Variants in NANOGNB observed in about 807,000 individuals in gnomAD.
The protein encoded by NANOGNB is homeobox C14.
A neutral mutation model predicts 25.0 loss-of-function variants in NANOGNB; 30 were observed. The observed-to-expected ratio is 1.20, with a 90% CI of 0.90 to 1.63. NANOGNB has a LOEUF of 1.63. Among genes scored for constraint, NANOGNB ranks in the 40% most tolerant of loss-of-function variants. The probability of loss-of-function intolerance (pLI) is 0.00; values close to 1 mark genes in which losing one functional copy is unlikely to be tolerated. For synonymous variants in NANOGNB, 84 were observed against 62.1 expected (o/e 1.35, Z -1.66); for missense variants, 200 against 188.1 (o/e 1.06, Z -0.37).
chr12:7,769,614 C>T (rs1865274200), intron 1 of NANOGNB, among the ~76,000 whole-genome samples: 2 of 151,942 alleles, frequency 1.3e-5, no homozygotes, highest in Middle Eastern at 3.4e-3. Context: ...TGAGCCACCA[C>T]CTCCCGGGTT....
rs1865283628 is a variant in NANOGNB, at chr12:7,770,507, A to G, written c.504A>G (p.Lys168=). 1 of 1,483,212 alleles carries G rather than the reference A, an allele frequency of 6.7e-7. No individual in the cohort carries two copies. Among genetic ancestry groups the G allele is most frequent in the African/African-American group, 1.4e-5 (1 of 71,280 alleles). 91.9% of individuals were successfully genotyped at this position (1,483,212 alleles called of 1,614,324 possible). The change falls in exon 3 of 4, where the codon AAA becomes AAG. Residue 168 remains lysine, a synonymous_variant. Transcript: ENST00000382119. ...NKEMSKRKHK[K]KHMRWRSLCC... Reference sequence around the variant, plus strand: ...AAATGTCCAAGAGAAAGCATAAGAAAAAACATATGAGGTAAGAAAGTGTTT... The same window carrying G: ...AAATGTCCAAGAGAAAGCATAAGAAGAAACATATGAGGTAAGAAAGTGTTT...
chr12:7,765,569 C>CAAAAA (rs1187331161), intron 1 of NANOGNB, among the ~76,000 whole-genome samples, 182 bp downstream of exon 1: 28 of 48,614 alleles, frequency 5.8e-4, no homozygotes, highest in South Asian at 3.8e-3. Flanking sequence ...GACTCCGTCT[C>CAAAAA]AAAAAAAAAA....
At chr12:7,773,125 T>TG (rs1862599893) in intron 3 of NANOGNB, among the ~76,000 whole-genome samples, 1 of 150,600 alleles carries the variant, frequency 6.6e-6, no homozygotes, top group Non-Finnish European at 1.5e-5. Context: ...TGATAGTTTT[T>TG]TTTTTTTTTT....
intron 3 of NANOGNB, among the ~76,000 whole-genome samples, chr12:7,772,568 C>T (rs1862589588): frequency 7.0e-6 from 1 of 142,424 alleles, no homozygotes; most frequent in Non-Finnish European, 1.5e-5. Context: ...TGAGCCACCG[C>T]ACCCGGCCTT....
chr12:7,768,827 C>T (rs569708395), intron 1 of NANOGNB, among the ~76,000 whole-genome samples: 2 of 151,982 alleles, frequency 1.3e-5, no homozygotes, highest in African/African-American at 2.4e-5. Context: ...CCACCGCGCC[C>T]GGCCGGCATA....
intron 1 of NANOGNB, among the ~76,000 whole-genome samples, chr12:7,769,686 C>A (rs938178413): frequency 8.5e-5 from 13 of 152,074 alleles, no homozygotes; most frequent in Non-Finnish European, 1.8e-4. Flanking sequence ...TGCCACCATG[C>A]CCGGCTAATG....
At position 7,770,461 on chromosome 12, in the gene NANOGNB, C is replaced by T. The variant is rs77290736; in HGVS notation, c.458C>T (p.Thr153Met). ...TAGATAAGTCAATGGTTTTGTAAAA[C>T]GAGGAAGAAATATAATAAAGAAATG... ...HKQISQWFCK[T>M]RKKYNKEMSK... The change falls in exon 3 of 4, where the codon ACG (threonine) becomes ATG (methionine). Residue 153 changes from threonine (T) to methionine (M), a missense_variant. Coordinates refer to ENST00000382119, the MANE Select transcript of NANOGNB (RefSeq NM_001145465.1). 237 of 1,533,008 alleles carry T rather than the reference C, an allele frequency of 1.5e-4. No homozygotes were observed. The highest frequency in any genetic ancestry group is 1.1e-3 in the African/African-American group (81 of 72,274). The allele number at this position is 1,533,008 out of a possible 1,614,324, so 95.0% of individuals were successfully genotyped here. A position where few individuals can be genotyped will look rare whatever the true frequency, so the allele number is the denominator to read the frequency against.
intron 1 of NANOGNB, among the ~76,000 whole-genome samples, chr12:7,765,635 C>T (rs868570286): frequency 2.8e-4 from 42 of 147,680 alleles, no homozygotes; most frequent in African/African-American, 9.4e-4. Context: ...AAAAGCAAGA[C>T]TTTCTGACAG....
At chr12:7,771,918 G>T (rs1452635439) in intron 3 of NANOGNB, among the ~76,000 whole-genome samples, 1 of 152,086 alleles carries the variant, frequency 6.6e-6, no homozygotes, top group Non-Finnish European at 1.5e-5. Context: ...TCCACGCCTG[G>T]ACTCACTTGA....
Position 7,770,120 on chromosome 12 carries a change from A to G in NANOGNB, c.240A>G (p.Lys80=). ...AGAGAGAACGAGAAAAAGAAGAAAA[A>G]AACGAAAAGGAGCTGCAAGATGAAC... ...GRKREREKEE[K]NEKELQDEQE... The change falls in exon 2 of 4, where the codon AAA becomes AAG. Residue 80 remains lysine (K), a synonymous_variant. Coordinates refer to ENST00000382119, the MANE Select transcript of NANOGNB (RefSeq NM_001145465.1). The G allele has an allele frequency of 2.6e-6, 4 of 1,545,204 alleles. No individual in the cohort carries two copies. The highest frequency in any genetic ancestry group is 2.6e-6 in the Non-Finnish European group (3 of 1,141,658).
chr12:7,766,674 C>G (rs1202818888), intron 1 of NANOGNB, among the ~76,000 whole-genome samples: 1 of 151,714 alleles, frequency 6.6e-6, no homozygotes, highest in Non-Finnish European at 1.5e-5. Context: ...TCCCGGGGTT[C>G]AAAAGACATG....
chr12:7,770,418 C>T (rs532093204), intron 2 of NANOGNB, 21 bp from the exon 3 acceptor site: 759 of 1,534,084 alleles, frequency 4.9e-4, no homozygotes, highest in Non-Finnish European at 6.4e-4. Context: ...TAATCACCTC[C>T]CACACCTCAT....
chr12:7,771,289 C>T (rs1862562572), intron 3 of NANOGNB, among the ~76,000 whole-genome samples: 1 of 152,098 alleles, frequency 6.6e-6, no homozygotes, highest in South Asian at 2.1e-4. Flanking sequence ...GGCGCGATCT[C>T]GGCTCACTGC....
chr12:7,772,576 C>CTTTT (rs71038747), intron 3 of NANOGNB, among the ~76,000 whole-genome samples: 2 of 107,926 alleles, frequency 1.9e-5, no homozygotes, highest in Admixed American at 1.0e-4. Context: ...CGCACCCGGC[C>CTTTT]TTTTTTTTTT....
intron 1 of NANOGNB, among the ~76,000 whole-genome samples, chr12:7,767,288 G>A (rs1865254115): frequency 6.6e-6 from 1 of 152,020 alleles, no homozygotes; most frequent in South Asian, 2.1e-4. Context: ...CACATACAGA[G>A]AACTCTTTAA....
chr12:7,773,142 G>C (rs951131339), intron 3 of NANOGNB, among the ~76,000 whole-genome samples: 3 of 96,326 alleles, frequency 3.1e-5, no homozygotes, highest in Non-Finnish European at 4.1e-5. Context: ...TTTTTTCAAA[G>C]ATGGGGGTCT....
intron 3 of NANOGNB, among the ~76,000 whole-genome samples, chr12:7,773,123 T>G (rs1443771635): frequency 6.7e-6 from 1 of 150,200 alleles, no homozygotes; most frequent in African/African-American, 2.4e-5. Flanking sequence ...TGTGATAGTT[T>G]TTTTTTTTTT....
At chr12:7,769,505 T>C (rs1474243416) in intron 1 of NANOGNB, among the ~76,000 whole-genome samples, 1 of 152,126 alleles carries the variant, frequency 6.6e-6, no homozygotes, top group African/African-American at 2.4e-5. Context: ...GTATTTTTAG[T>C]AGAGATGGGG....
At chr12:7,770,891 C>T (rs775005742) in intron 3 of NANOGNB, among the ~76,000 whole-genome samples, 8 of 152,136 alleles carry the variant, frequency 5.3e-5, no homozygotes, top group African/African-American at 9.7e-5. Flanking sequence ...GGATTACAGG[C>T]GTGAACCACC....
Sources: gnomAD v4.1 joint callset for allele counts (sites outside exome capture counted in the v4.1 genomes callset) on GRCh38, gnomAD v4.1.1 for gene constraint, MANE v1.5 for transcripts, NCBI Gene and HGNC (gene_info 2026-07-23, HGNC 2026-07-21) for gene names.